IGFL2: variants seen among roughly 807,000 people sequenced by gnomAD.
IGFL2 encodes the protein IGF like family member 2.
A neutral mutation model predicts 13.9 loss-of-function variants in IGFL2; 7 were observed. The observed-to-expected ratio is 0.51, with a 90% CI of 0.29 to 0.95. IGFL2 has a LOEUF of 0.95. Ranked by LOEUF, IGFL2 falls within the 40% of genes least tolerant of loss-of-function variation. The pLI is 0.08. For synonymous variants in IGFL2, 55 were observed against 55.8 expected, an observed-to-expected ratio of 0.99 and a Z score of 0.07; for missense variants, 138 against 147.8, an observed-to-expected ratio of 0.93 and a Z score of 0.34.
the IGFL2 span, among the ~76,000 whole-genome samples, chr19:46,097,983 T>C: frequency 6.6e-6 from 1 of 152,184 alleles, no homozygotes; most frequent in Non-Finnish European, 1.5e-5. Flanking sequence ...TATTCTGTTG[T>C]TTTGGGGTAG....
chr19:46,168,966 C>T, the IGFL2 span, among the ~76,000 whole-genome samples: 2 of 150,900 alleles, frequency 1.3e-5, no homozygotes, highest in Non-Finnish European at 3.0e-5. Context: ...TTTTTCTCCA[C>T]TAAGATTATT....
chr19:46,147,995 C>G (rs1262150236), upstream of IGFL2: 4 of 386,836 alleles, frequency 1.0e-5, no homozygotes, highest in African/African-American at 4.1e-5. Flanking sequence ...AAGAATGACA[C>G]TCACTCACGG....
chr19:46,145,656 A>AAT (rs528844322), upstream of IGFL2, among the ~76,000 whole-genome samples: 8 of 145,590 alleles, frequency 5.5e-5, no homozygotes, highest in East Asian at 7.9e-4. Context: ...TTATTTATTT[A>AAT]ATATATATAT....
At chr19:46,181,672 A>G in the IGFL2 span, among the ~76,000 whole-genome samples, 1 of 152,216 alleles carries the variant, frequency 6.6e-6, no homozygotes, top group East Asian at 1.9e-4. Context: ...CAACTGTTTC[A>G]GTTTCCCAGC....
chr19:46,085,139 G>A, the IGFL2 span, among the ~76,000 whole-genome samples: 284 of 152,120 alleles, frequency 1.9e-3, 2 homozygotes, highest in Non-Finnish European at 3.2e-3. Flanking sequence ...AACCCAGCAG[G>A]GCAGTCATTA....
chr19:46,114,721 G>C, the IGFL2 span, among the ~76,000 whole-genome samples: 2,016 of 152,184 alleles, frequency 0.013, 31 homozygotes, highest in Middle Eastern at 0.027. Context: ...GTTCCCCTTT[G>C]CCTTCTGCCA....
At chr19:46,124,631 T>C in the IGFL2 span, 7 of 1,609,218 alleles carry the variant, frequency 4.3e-6, no homozygotes, top group East Asian at 1.1e-4. Context: ...TTGCCCAAGA[T>C]GCAGCATCGT....
the IGFL2 span, chr19:46,120,036 T>C: frequency 2.3e-6 from 1 of 437,646 alleles, no homozygotes; most frequent in Non-Finnish European, 4.1e-6. Flanking sequence ...TCCTGCTCAG[T>C]GTCCAGGAAG....
the IGFL2 span, among the ~76,000 whole-genome samples, chr19:46,172,786 T>G: frequency 6.6e-6 from 1 of 152,212 alleles, no homozygotes; most frequent in Non-Finnish European, 1.5e-5. Flanking sequence ...GGTGCGATCT[T>G]GGCTCACTGT....
chr19:46,174,570 A>G, the IGFL2 span, among the ~76,000 whole-genome samples: 7 of 152,290 alleles, frequency 4.6e-5, no homozygotes, highest in Middle Eastern at 3.4e-3. Flanking sequence ...CTCGTCCTCA[A>G]TTTTCCCTAG....
chr19:46,171,265 G>A, the IGFL2 span, among the ~76,000 whole-genome samples: 5 of 152,228 alleles, frequency 3.3e-5, no homozygotes, highest in Middle Eastern at 3.4e-3. Context: ...TGCTTCCCCC[G>A]ATAAGTGATA....
At chr19:46,106,244 C>T in the IGFL2 span, among the ~76,000 whole-genome samples, 8 of 152,020 alleles carry the variant, frequency 5.3e-5, no homozygotes, top group African/African-American at 1.9e-4. Context: ...TATGCAATAT[C>T]CTTTTGAGAA....
Position 46,160,871 on chromosome 19 carries a change from A to G in IGFL2, c.331A>G (p.Lys111Glu). ...GTGCCACTCATCTCCCATCTCCAGT[A>G]AATGTGAAAGGTAGGGACCCCGTCC... ...SQCHSSPISS[K>E]CESRRRFP is the part of the protein sequence containing the mutation. Residue 111 changes from lysine (K) to glutamate (E), a missense_variant, in exon 3 of 4, where the codon AAA becomes GAA. Coordinates refer to ENST00000377693, the MANE Select transcript of IGFL2 (RefSeq NM_001135113.2). 1 of 1,613,830 alleles carries G rather than the reference A, an allele frequency of 6.2e-7. No individual in the cohort carries two copies. The highest frequency in any genetic ancestry group is 8.5e-7 in the Non-Finnish European group (1 of 1,179,796).
At chr19:46,139,014 A>G (rs1972733695), upstream of IGFL2, among the ~76,000 whole-genome samples, 1 of 151,992 alleles carries the variant, frequency 6.6e-6, no homozygotes. Flanking sequence ...GCCAGCGCAA[A>G]TGTCCATGGG....
At chr19:46,195,631 C>T in the IGFL2 span, 2 of 152,156 alleles carry the variant, frequency 1.3e-5, no homozygotes, top group African/African-American at 2.4e-5. Context: ...GTAAAATCCA[C>T]TCCACTTGCA....
chr19:46,085,976 A>G, the IGFL2 span, among the ~76,000 whole-genome samples: 2 of 152,120 alleles, frequency 1.3e-5, no homozygotes, highest in Admixed American at 1.3e-4. Flanking sequence ...AGTGCTTCAT[A>G]TTTCATGTAG....
At chr19:46,185,600 A>T in the IGFL2 span, among the ~76,000 whole-genome samples, 2 of 152,292 alleles carry the variant, frequency 1.3e-5, no homozygotes, top group East Asian at 1.9e-4. Context: ...TAAAAGTTGG[A>T]TGTGAGGAGA....
chr19:46,200,223 CA>C, the IGFL2 span, among the ~76,000 whole-genome samples: 1 of 152,086 alleles, frequency 6.6e-6, no homozygotes, highest in Non-Finnish European at 1.5e-5. Flanking sequence ...GGCTGCAGTG[CA>C]GTGGTGTGAT....
chr19:46,166,910 T>G, the IGFL2 span, among the ~76,000 whole-genome samples: 1 of 152,230 alleles, frequency 6.6e-6, no homozygotes, highest in Non-Finnish European at 1.5e-5. Context: ...CATTTCATAT[T>G]GCTCAAACAC....
Sources: allele counts gnomAD v4.1 joint callset (sites outside exome capture counted in the v4.1 genomes callset), GRCh38; gene constraint gnomAD v4.1.1; transcripts MANE v1.5; gene names NCBI Gene and HGNC (gene_info 2026-07-23, HGNC 2026-07-21).